EXOC3: variants seen among roughly 807,000 people sequenced by gnomAD.
EXOC3 encodes the protein SEC6-like 1.
A neutral mutation model predicts 73.7 loss-of-function variants in EXOC3; 21 were observed. The ratio of observed to expected loss-of-function variants is 0.29; its 90% confidence interval spans 0.20 to 0.41. EXOC3 has a LOEUF of 0.41. Among genes scored for constraint, EXOC3 ranks in the 10% least tolerant of loss-of-function variants. The pLI is 1.00. For synonymous variants in EXOC3, 410 were observed against 389.1 expected (o/e 1.05, Z -0.63); for missense variants, 842 against 985.1 (o/e 0.85, Z 1.95).
In EXOC3 at chr5:454,081, C is replaced by G. The variant is rs759452785; in HGVS notation, c.1046+30C>G. 69 of 1,537,136 alleles carry G rather than the reference C, an allele frequency of 4.5e-5. 1 individual carries two copies. Among genetic ancestry groups the G allele is most frequent in the Non-Finnish European group, 6.1e-5 (69 of 1,137,342 alleles). On this transcript the variant is annotated intron_variant, in intron 4 of 12. Coordinates refer to ENST00000512944, the MANE Select transcript of EXOC3 (RefSeq NM_007277.5). Reference sequence around the variant, plus strand: ...AGCTAACCTGGCGCCTGTGTTGGCTCTTAGGTAGAAGCCGTGTGTGAGAGG... The same window carrying G: ...AGCTAACCTGGCGCCTGTGTTGGCTGTTAGGTAGAAGCCGTGTGTGAGAGG...
intron 1 of EXOC3, among the ~76,000 whole-genome samples, chr5:445,905 G>T (rs899432795): frequency 1.1e-4 from 17 of 152,134 alleles, no homozygotes; most frequent in Non-Finnish European, 2.1e-4. Flanking sequence ...TAGAATCTTC[G>T]CAATGTCCAT....
intron 11 of EXOC3, 119 bp downstream of exon 11, chr5:465,391 A>C: frequency 8.3e-7 from 1 of 1,208,008 alleles, no homozygotes; most frequent in Non-Finnish European, 1.1e-6. Flanking sequence ...AGGCGGGGGG[A>C]GCCTGGGTCC....
rs779313572 is a variant in EXOC3, at chr5:453,753, A to T, written c.748A>T (p.Thr250Ser). Reference protein sequence around the residue: ...RPKNWKEKMFTILERTVTTRI... With the variant: ...RPKNWKEKMFSILERTVTTRI... ...CAAGAATTGGAAGGAGAAAATGTTCACCATCTTGGAGAGGACTGTGACCAC... is the reference window on the plus strand; with the variant it reads ...CAAGAATTGGAAGGAGAAAATGTTCTCCATCTTGGAGAGGACTGTGACCAC... The change falls in exon 4 of 13, where the codon ACC becomes TCC. Residue 250 changes from threonine (T) to serine (S), a missense_variant. Physicochemically the swap from Thr to Ser is moderately conservative, Grantham distance 58 (BLOSUM62 1). Transcript: ENST00000512944. 2 of 1,613,958 alleles carry T rather than the reference A, an allele frequency of 1.2e-6. No individual in the cohort carries two copies. The highest frequency in any genetic ancestry group is 1.1e-5 in the South Asian group (1 of 91,086).
chr5:446,051 A>G, intron 1 of EXOC3, 99 bp from the exon 2 acceptor site: 1 of 779,648 alleles, frequency 1.3e-6, no homozygotes, highest in Non-Finnish European at 2.1e-6. Flanking sequence ...TCCTGGATTA[A>G]TGATCTCAGA....
intron 4 of EXOC3, among the ~76,000 whole-genome samples, chr5:455,206 C>T (rs769627815): frequency 2.6e-5 from 4 of 152,356 alleles, no homozygotes; most frequent in South Asian, 2.1e-4. Context: ...GCAGGGGACA[C>T]GGCCAGTGAG....
chr5:467,132 C>T lies in EXOC3; in HGVS notation c.*234C>T, dbSNP rs1190427052. The T allele has an allele frequency of 5.6e-6, 3 of 535,862 alleles. No individual in the cohort carries two copies. Among genetic ancestry groups the T allele is most frequent in the African/African-American group, 1.9e-5 (1 of 53,164 alleles). The allele number at this position is 535,862 out of a possible 1,614,324, so 33.2% of individuals were successfully genotyped here. A position where few individuals can be genotyped will look rare whatever the true frequency, so the allele number is the denominator to read the frequency against. On this transcript the variant is annotated 3_prime_UTR_variant, in exon 13 of 13. Coordinates refer to ENST00000512944, the MANE Select transcript of EXOC3 (RefSeq NM_007277.5). ...GGTGCAGGGCTCTGCCGCACAGCCT[C>T]TCTTGGGTGCTTGTTTGTTGCAGTG...
chr5:466,439 G>T (rs1464554967), intron 12 of EXOC3: 2 of 394,152 alleles, frequency 5.1e-6, no homozygotes, highest in Admixed American at 4.1e-5. Context: ...CTGGTTAAAC[G>T]TGGAAAAACG....
chr5:443,749 A>G lies in EXOC3; in HGVS notation c.-57+459A>G, dbSNP rs140908385. Reference sequence around the variant, plus strand: ...CCAAGGTGCAAGTGTCCCCTCAAGCACAGGTGTCCCTCCCAGGCACAAGTG... The same window carrying G: ...CCAAGGTGCAAGTGTCCCCTCAAGCGCAGGTGTCCCTCCCAGGCACAAGTG... On this transcript the variant is annotated intron_variant, in intron 1 of 12. Coordinates refer to ENST00000512944, the MANE Select transcript of EXOC3 (RefSeq NM_007277.5). 5.0e-3 allele frequency among the ~76,000 whole-genome samples: 711 copies of G among 141,154 alleles called. 4 individuals carry two copies. The highest frequency in any genetic ancestry group is 7.3e-3 in the Non-Finnish European group (481 of 65,758). 92.6% of individuals were successfully genotyped at this position (141,154 alleles called of 152,430 possible).
At chr5:454,161 C>T (rs765119608) in intron 4 of EXOC3, 110 bp downstream of exon 4, 1 of 883,120 alleles carries the variant, frequency 1.1e-6, no homozygotes, top group Non-Finnish European at 1.7e-6. Flanking sequence ...TGGGCAGGTG[C>T]TCCGAGCCCA....
rs370854107 is a variant in EXOC3, at chr5:454,868, A to ATTTTT, written c.1046+833_1046+837dup. Among the ~76,000 whole-genome samples the ATTTTT allele has an allele frequency of 1.4e-4, 16 of 110,764 alleles. 1 individual carries two copies. Among genetic ancestry groups the ATTTTT allele is most frequent in the East Asian group, 2.6e-4 (1 of 3,916 alleles). The allele number at this position is 110,764 out of a possible 152,430, so 72.7% of individuals were successfully genotyped here. A position where few individuals can be genotyped will look rare whatever the true frequency, so the allele number is the denominator to read the frequency against. ...GCAGTGGAGAAATTGAATAAACCTC[A>ATTTTT]TTTTTTTTTTTTTTTTTTTTAGCAG... On this transcript the variant is annotated intron_variant, in intron 4 of 12. Transcript: ENST00000512944.
intron 9 of EXOC3, 41 bp from the exon 10 acceptor site, chr5:464,249 C>T (rs373927802): frequency 1.9e-6 from 3 of 1,599,500 alleles, no homozygotes; most frequent in Non-Finnish European, 2.6e-6. Context: ...TCTCGTGGGA[C>T]GTTGAGGTGA....
chr5:455,553 A>C (rs1192099479), intron 4 of EXOC3, among the ~76,000 whole-genome samples: 1 of 152,250 alleles, frequency 6.6e-6, no homozygotes, highest in Non-Finnish European at 1.5e-5. Context: ...GCTCTTAATC[A>C]TTTTATTCAG....
chr5:464,583 T>C (rs1050221705), intron 10 of EXOC3, 171 bp downstream of exon 10: 30 of 647,940 alleles, frequency 4.6e-5, no homozygotes, highest in Non-Finnish European at 7.3e-5. Context: ...GGGACGGGGC[T>C]CTGGTGAGAA....
intron 4 of EXOC3, among the ~76,000 whole-genome samples, chr5:455,427 G>A (rs962929041): frequency 6.6e-6 from 1 of 152,210 alleles, no homozygotes; most frequent in Non-Finnish European, 1.5e-5. Flanking sequence ...ATTCTCACAC[G>A]GAATTGAGGT....
chr5:456,678 C>T (rs377093715), intron 4 of EXOC3, among the ~76,000 whole-genome samples: 40 of 151,190 alleles, frequency 2.6e-4, no homozygotes, highest in Non-Finnish European at 8.8e-5. Context: ...GAGGGACTCA[C>T]GCAGTCTGGG....
At chr5:457,755 C>T (rs1737863761) in intron 5 of EXOC3, 145 bp from the exon 6 acceptor site, 2 of 869,636 alleles carry the variant, frequency 2.3e-6, no homozygotes, top group East Asian at 5.5e-5. Context: ...GGTCCCTGCT[C>T]TGGAGTCCTC....
chr5:460,088 A>C (rs1454680103), intron 7 of EXOC3, among the ~76,000 whole-genome samples: 1 of 152,196 alleles, frequency 6.6e-6, no homozygotes, highest in African/African-American at 2.4e-5. Context: ...ACCCTCTCTG[A>C]AGCCACTGCA....
At chr5:466,453 T>G in intron 12 of EXOC3, 1 of 435,996 alleles carries the variant, frequency 2.3e-6, no homozygotes, top group Non-Finnish European at 4.1e-6. Context: ...AAAAACGGGG[T>G]CTTGAGCTCT....
In EXOC3 at chr5:443,239, GGCGGC is replaced by G. The variant is rs1560933098; in HGVS notation, c.-106_-102del. 95 of 5,918 alleles carry G rather than the reference GGCGGC, an allele frequency of 0.016. No individual in the cohort carries two copies. The highest frequency in any genetic ancestry group is 0.066 in the South Asian group (29 of 440). The allele number at this position is 5,918 out of a possible 1,614,324, so 0.4% of individuals were successfully genotyped here. On this transcript the variant is annotated 5_prime_UTR_variant, in exon 1 of 13. Transcript: ENST00000512944. Reference sequence around the variant, plus strand: ...CGGAGGGGGCGGCGGGGGCGGCGGCGGCGGCGGCGGCGGCGGCGGCGGCGGCGGCG... The same window carrying G: ...CGGAGGGGGCGGCGGGGGCGGCGGCGGGCGGCGGCGGCGGCGGCGGCGGCG...
Sources: allele counts gnomAD v4.1 joint callset (sites outside exome capture counted in the v4.1 genomes callset), GRCh38; gene constraint gnomAD v4.1.1; transcripts MANE v1.5; gene names NCBI Gene and HGNC (gene_info 2026-07-23, HGNC 2026-07-21).